Variants in TRIM24 observed in about 807,000 individuals in gnomAD.
TRIM24 encodes transcription intermediary factor 1-alpha.
TRIM24 carries 29 observed loss-of-function variants against 123.9 expected under a neutral mutation model. The observed-to-expected ratio is 0.23, with a 90% CI of 0.17 to 0.32. TRIM24 has a LOEUF of 0.32. Among genes scored for constraint, TRIM24 ranks in the 10% least tolerant of loss-of-function variants. The probability of loss-of-function intolerance (pLI) is 1.00; values close to 1 mark genes in which losing one functional copy is unlikely to be tolerated. For synonymous variants in TRIM24, 456 were observed against 461.1 expected, an observed-to-expected ratio of 0.99 and a Z score of 0.14; for missense variants, 932 against 1,295.3, an observed-to-expected ratio of 0.72 and a Z score of 4.31.
intron 7 of TRIM24, among the ~76,000 whole-genome samples, chr7:138,541,557 A>G (rs1797005617): frequency 6.6e-6 from 1 of 152,218 alleles, no homozygotes. Context: ...CACTTATAGA[A>G]CACAAAAGCA....
rs1795376828 is a variant in TRIM24, at chr7:138,475,484, T to G, written c.364+14572T>G. Reference sequence around the variant, plus strand: ...GGCCTATTAAGAGAAAAAATATTTTTGGGTTAACATAGCAAAATCCAACTC... The same window carrying G: ...GGCCTATTAAGAGAAAAAATATTTTGGGGTTAACATAGCAAAATCCAACTC... On this transcript the variant is annotated intron_variant, in intron 1 of 18. Transcript: ENST00000343526. 2.0e-5 allele frequency among the ~76,000 whole-genome samples: 3 copies of G among 152,200 alleles called. No homozygotes were observed. The South Asian group carries it at 6.2e-4, about 31-fold the overall frequency.
Position 138,504,334 on chromosome 7 carries a change from A to G in TRIM24, c.409A>G (p.Arg137Gly). 6.2e-7 allele frequency: 1 copy of G among 1,602,156 alleles called. No individual in the cohort carries two copies. Among genetic ancestry groups the G allele is most frequent in the Non-Finnish European group, 8.5e-7 (1 of 1,175,316 alleles). The change falls in exon 2 of 19, where the codon AGA (arginine) becomes GGA (glycine). Residue 137 changes from arginine to glycine, a missense_variant. Physicochemically the swap from Arg to Gly is moderately radical, Grantham distance 125. Coordinates refer to ENST00000343526, the MANE Select transcript of TRIM24 (RefSeq NM_015905.3). ...CPVCSQECAE[R>G]HIIDNFFVKD... The stretch of plus-strand genomic sequence containing the variant: ...AGTTTGCAGCCAAGAATGTGCAGAG[A>G]GACACATCATAGATAACTTTTTTGT...
At chr7:138,502,933 T>C (rs1034257611) in intron 1 of TRIM24, among the ~76,000 whole-genome samples, 2 of 152,232 alleles carry the variant, frequency 1.3e-5, no homozygotes, top group African/African-American at 4.8e-5. Flanking sequence ...CCAATAAATT[T>C]GTATTCCAAG....
intron 1 of TRIM24, among the ~76,000 whole-genome samples, chr7:138,462,002 CG>C (rs1794991324): frequency 6.6e-6 from 1 of 152,118 alleles, no homozygotes; most frequent in Non-Finnish European, 1.5e-5. Context: ...CGTGGGTCTC[CG>C]TTTCTTCACT....
intron 8 of TRIM24, among the ~76,000 whole-genome samples, chr7:138,552,443 AC>A (rs1438686022): frequency 1.1e-4 from 17 of 152,160 alleles, no homozygotes; most frequent in African/African-American, 4.1e-4. Flanking sequence ...GAGTAGAAAC[AC>A]CTTTTTGCCT....
At chr7:138,544,146 C>T (rs1033880915) in intron 7 of TRIM24, among the ~76,000 whole-genome samples, 6 of 152,172 alleles carry the variant, frequency 3.9e-5, no homozygotes, top group African/African-American at 1.4e-4. Context: ...ATTCATTCTA[C>T]CTACCTGGAA....
At chr7:138,519,434 A>G in intron 4 of TRIM24, 113 bp downstream of exon 4, 2 of 1,241,830 alleles carry the variant, frequency 1.6e-6, no homozygotes, top group South Asian at 1.5e-5. Context: ...TTTGGCCAGC[A>G]CTATGCTGGC....
At chr7:138,548,938 A>G (rs1797157020) in intron 7 of TRIM24, among the ~76,000 whole-genome samples, 1 of 152,186 alleles carries the variant, frequency 6.6e-6, no homozygotes, top group South Asian at 2.1e-4. Flanking sequence ...CTCCTATTAT[A>G]ATAATGCTTT....
chr7:138,525,028 C>T (rs1796579536), intron 4 of TRIM24, among the ~76,000 whole-genome samples: 1 of 152,078 alleles, frequency 6.6e-6, no homozygotes, highest in South Asian at 2.1e-4. Flanking sequence ...ATGTGGTTCT[C>T]AAACTTTCAA....
At chr7:138,529,277 C>A in intron 6 of TRIM24, 47 bp downstream of exon 6, 2 of 966,246 alleles carry the variant, frequency 2.1e-6, no homozygotes, top group Non-Finnish European at 3.0e-6. Flanking sequence ...CATAGTATTT[C>A]CTAAAGTACT....
chr7:138,460,855 C>T lies in TRIM24; in HGVS notation c.307C>T (p.Pro103Ser). ...APMLGSAETPPPVPAPGSPVS... is the reference protein window; with the variant it reads ...APMLGSAETPSPVPAPGSPVS... The stretch of plus-strand genomic sequence containing the variant: ...CATGCTGGGCTCGGCCGAGACCCCG[C>T]CACCCGTCCCTGCCCCCGGCTCGCC... Residue 103 changes from proline (P) to serine (S), a missense_variant, in exon 1 of 19, where the codon CCA becomes TCA. By Grantham distance (74) the Pro-to-Ser change is moderately conservative. Around this residue, in one of 7 missense-constraint regions of TRIM24, gnomAD observed 164 missense variants for 181.9 expected, o/e 0.90. Coordinates refer to ENST00000343526, the MANE Select transcript of TRIM24 (RefSeq NM_015905.3). 1 of 1,557,328 alleles carries T rather than the reference C, an allele frequency of 6.4e-7. No homozygotes were observed. Among genetic ancestry groups the T allele is most frequent in the Non-Finnish European group, 8.6e-7 (1 of 1,160,486 alleles).
chr7:138,508,718 T>TGTGTGC (rs1261999447), intron 2 of TRIM24, among the ~76,000 whole-genome samples: 4 of 133,840 alleles, frequency 3.0e-5, no homozygotes, highest in African/African-American at 8.2e-5. Flanking sequence ...CGTGTGTGTG[T>TGTGTGC]GCGTGTGTGT....
intron 12 of TRIM24, among the ~76,000 whole-genome samples, chr7:138,574,361 G>A (rs1238250806): frequency 2.6e-5 from 4 of 152,178 alleles, no homozygotes; most frequent in African/African-American, 9.7e-5. Flanking sequence ...AATATGAAAA[G>A]AGAATTTAAG....
rs757934107 is a variant in TRIM24, at chr7:138,555,110, A to G, written c.1530+144A>G. 192 of 842,566 alleles carry G rather than the reference A, an allele frequency of 2.3e-4. 1 individual carries two copies. Among genetic ancestry groups the G allele is most frequent in the Non-Finnish European group, 3.1e-4 (173 of 555,274 alleles). The allele number at this position is 842,566 out of a possible 1,614,324, so 52.2% of individuals were successfully genotyped here. On this transcript the variant is annotated intron_variant, in intron 9 of 18. Coordinates refer to ENST00000343526, the MANE Select transcript of TRIM24 (RefSeq NM_015905.3). ...TATCACATTAAGGATCCCTGATTTA[A>G]TGCCTAGTTTTTAATCCCTACTTAA...
chr7:138,508,672 T>C (rs1322280055), intron 2 of TRIM24, among the ~76,000 whole-genome samples: 3 of 55,928 alleles, frequency 5.4e-5, no homozygotes, highest in Non-Finnish European at 1.1e-4. Context: ...AGTGTGTGTG[T>C]GTGTGTGTGT....
At chr7:138,469,279 T>G (rs2116452281) in intron 1 of TRIM24, among the ~76,000 whole-genome samples, 1 of 152,228 alleles carries the variant, frequency 6.6e-6, no homozygotes, top group South Asian at 2.1e-4. Context: ...ATCAACTAGA[T>G]GCACAAGTTT....
In TRIM24 at chr7:138,577,415, T is replaced by C; in HGVS notation, c.2088-5T>C. ...ATTGCTTTTTCTTCTCTCTCATACT[T>C]ACAGCTCTGGCTCTTCCAGCAAACC... On this transcript the variant is annotated splice_polypyrimidine_tract_variant and splice_region_variant and intron_variant, in intron 13 of 18. Coordinates refer to ENST00000343526, the MANE Select transcript of TRIM24 (RefSeq NM_015905.3). 1 of 1,549,914 alleles carries C rather than the reference T, an allele frequency of 6.5e-7. No homozygotes were observed. Among genetic ancestry groups the C allele is most frequent in the Non-Finnish European group, 8.7e-7 (1 of 1,152,590 alleles).
At chr7:138,562,448 C>T (rs780767231) in intron 9 of TRIM24, among the ~76,000 whole-genome samples, 33 of 152,282 alleles carry the variant, frequency 2.2e-4, no homozygotes, top group Non-Finnish European at 4.6e-4. Context: ...GTGTGGTTCA[C>T]AGCACACAAG....
At chr7:138,539,397 A>G (rs1193770243) in intron 7 of TRIM24, among the ~76,000 whole-genome samples, 1 of 152,106 alleles carries the variant, frequency 6.6e-6, no homozygotes, top group East Asian at 1.9e-4. Context: ...GAACCTTACT[A>G]CTTCACATAT....
Sources: gnomAD v4.1 joint callset for allele counts (sites outside exome capture counted in the v4.1 genomes callset) on GRCh38, gnomAD v4.1.1 for gene constraint, gnomAD v4.1.1 regional missense constraint, MANE v1.5 for transcripts, NCBI Gene and HGNC (gene_info 2026-07-23, HGNC 2026-07-21) for gene names.